Variants in SASS6 observed in about 807,000 individuals in gnomAD.
SASS6 encodes the protein spindle assembly abnormal protein 6 homolog.
Under a neutral mutation model 94.9 loss-of-function variants are expected in SASS6, and 59 were observed. The observed-to-expected ratio is 0.62, with a 90% CI of 0.50 to 0.77. The LOEUF is 0.77. SASS6 is among the 30% of genes least tolerant of loss of function. The probability of loss-of-function intolerance (pLI) is 0.00; values close to 1 mark genes in which losing one functional copy is unlikely to be tolerated. For synonymous variants in SASS6, 264 were observed against 270.0 expected (o/e 0.98, Z 0.22); for missense variants, 698 against 734.1 (o/e 0.95, Z 0.57).
rs764607069 is a variant in SASS6, at chr1:100,119,047, G to C, written c.640C>G (p.Leu214Val). Residue 214 changes from leucine to valine, a missense_variant, in exon 7 of 17, where the codon CTG becomes GTG. Transcript: ENST00000287482. ...AALTNKHSQE[L>V]TNEKEKALQA... ...AAGGCTTTTTCCTTTTCATTTGTCA[G>C]TTCCTGAGAATGCTTGTTTGTCAAG... The C allele has an allele frequency of 3.1e-6, 5 of 1,588,708 alleles. No individual in the cohort carries two copies. The highest frequency in any genetic ancestry group is 4.3e-6 in the Non-Finnish European group (5 of 1,164,220).
chr1:100,119,834 T>C (rs940682069), intron 6 of SASS6, among the ~76,000 whole-genome samples: 2 of 152,234 alleles, frequency 1.3e-5, no homozygotes, highest in Non-Finnish European at 2.9e-5. Flanking sequence ...GTGCCATGCT[T>C]GTACAGCCTA....
intron 14 of SASS6, among the ~76,000 whole-genome samples, chr1:100,089,619 A>G (rs1651541724): frequency 6.6e-6 from 1 of 152,096 alleles, no homozygotes; most frequent in Non-Finnish European, 1.5e-5. Context: ...ACAGATAGGA[A>G]AAAAACTTGC....
At chr1:100,087,926 A>C (rs957844482) in intron 15 of SASS6, among the ~76,000 whole-genome samples, 1 of 152,228 alleles carries the variant, frequency 6.6e-6, no homozygotes, top group Non-Finnish European at 1.5e-5. Flanking sequence ...CACATTAAAA[A>C]ATAATGAGTA....
At chr1:100,121,594 G>A in intron 4 of SASS6, 45 bp from the exon 5 acceptor site, 1 of 1,090,948 alleles carries the variant, frequency 9.2e-7, no homozygotes, top group Non-Finnish European at 1.4e-6. Context: ...AAGAGATAGT[G>A]AAAATCTCTC....
intron 14 of SASS6, among the ~76,000 whole-genome samples, chr1:100,088,606 T>C (rs1420452164): frequency 6.6e-6 from 1 of 151,282 alleles, no homozygotes; most frequent in Non-Finnish European, 1.5e-5. Flanking sequence ...AGTTCTATAT[T>C]GAGATGGGTG....
In SASS6 at chr1:100,085,033, A is replaced by G. The variant is rs901639393; in HGVS notation, c.*295T>C. 7.2e-6 allele frequency: 2 copies of G among 278,024 alleles called. No individual in the cohort carries two copies. Among genetic ancestry groups the G allele is most frequent in the Non-Finnish European group, 1.4e-5 (2 of 146,114 alleles). 17.2% of individuals were successfully genotyped at this position (278,024 alleles called of 1,614,324 possible). ...ATCAGAATCTCCCTCATAAGGATCA[A>G]CTCTTTCCTTAGAACTGAATTTCTA... On this transcript the variant is annotated 3_prime_UTR_variant, in exon 17 of 17. Coordinates refer to ENST00000287482, the MANE Select transcript of SASS6 (RefSeq NM_194292.3).
intron 7 of SASS6, among the ~76,000 whole-genome samples, chr1:100,114,592 T>C (rs1653650003): frequency 6.6e-6 from 1 of 151,700 alleles, no homozygotes; most frequent in African/African-American, 2.4e-5. Flanking sequence ...GTGGTCTGTA[T>C]CTGTGGTCCC....
Position 100,120,466 on chromosome 1 carries a change from A to C in SASS6, c.484-7T>G. Reference sequence around the variant, plus strand: ...TCAATGATAATTTTTCTTCCTATTCATAAAAATAATAAAATTACACAGTTT... The same window carrying C: ...TCAATGATAATTTTTCTTCCTATTCCTAAAAATAATAAAATTACACAGTTT... On this transcript the variant is annotated splice_polypyrimidine_tract_variant and splice_region_variant and intron_variant, in intron 5 of 16. Transcript: ENST00000287482. 8.3e-7 allele frequency: 1 copy of C among 1,204,612 alleles called. No homozygotes were observed. Among genetic ancestry groups the C allele is most frequent in the Non-Finnish European group, 1.2e-6 (1 of 808,148 alleles). The allele number at this position is 1,204,612 out of a possible 1,614,324, so 74.6% of individuals were successfully genotyped here.
In SASS6 at chr1:100,104,372, G is replaced by A. The variant is rs1044601020; in HGVS notation, c.1546-1289C>T. 4.6e-5 allele frequency among the ~76,000 whole-genome samples: 7 copies of A among 152,260 alleles called. No individual in the cohort carries two copies. In the South Asian group the frequency reaches 6.2e-4, roughly 14 times the overall value. ...ACAGGAGAGCCCCAGGCCTATGTGC[G>A]GATGCTAGGTAAGCTCCTAGCAGCA... On this transcript the variant is annotated intron_variant, in intron 13 of 16. Coordinates refer to ENST00000287482, the MANE Select transcript of SASS6 (RefSeq NM_194292.3).
In SASS6 at chr1:100,110,300, C is replaced by A; in HGVS notation, c.853G>T (p.Val285Phe). ...AAAACAACATTCAATACCTCTTCAA[C>A]ACCAGAAAGTTTTGCTTTAAGTTCT... Reference protein sequence around the residue: ...IRELKAKLSGVEEELQRTKQE... With the variant: ...IRELKAKLSGFEEELQRTKQE... The change falls in exon 8 of 17, where the codon GTT becomes TTT. Residue 285 changes from valine to phenylalanine, a missense_variant. Physicochemically the swap from Val to Phe is conservative, Grantham distance 50. Transcript: ENST00000287482. 1 of 1,560,378 alleles carries A rather than the reference C, an allele frequency of 6.4e-7. No homozygotes were observed. Among genetic ancestry groups the A allele is most frequent in the Non-Finnish European group, 8.6e-7 (1 of 1,157,922 alleles).
chr1:100,121,183 C>T (rs1036673568), intron 5 of SASS6, among the ~76,000 whole-genome samples, 195 bp downstream of exon 5: 2 of 152,102 alleles, frequency 1.3e-5, no homozygotes, highest in African/African-American at 4.8e-5. Context: ...ACCCTGAGAC[C>T]TAAGCTTCTC....
chr1:100,130,590 A>G (rs970572034), intron 1 of SASS6, among the ~76,000 whole-genome samples: 5 of 151,914 alleles, frequency 3.3e-5, no homozygotes, highest in Non-Finnish European at 7.4e-5. Flanking sequence ...TCAGGAGGCT[A>G]AGGTGAGGGG....
intron 1 of SASS6, among the ~76,000 whole-genome samples, chr1:100,131,635 T>C (rs893557742): frequency 3.9e-5 from 6 of 152,208 alleles, no homozygotes; most frequent in African/African-American, 1.4e-4. Context: ...ATTAAAAGAA[T>C]GATCAACTAA....
intron 5 of SASS6, 31 bp downstream of exon 5, chr1:100,121,347 G>GT (rs1654181095): frequency 7.4e-7 from 1 of 1,358,698 alleles, no homozygotes; most frequent in Non-Finnish European, 1.0e-6. Flanking sequence ...TACTTATTTT[G>GT]TTAAAAGAAT....
chr1:100,127,900 C>T (rs920395670), intron 1 of SASS6, among the ~76,000 whole-genome samples: 28 of 151,998 alleles, frequency 1.8e-4, no homozygotes, highest in African/African-American at 6.5e-4. Flanking sequence ...TTGTGAAAAC[C>T]TTTTTAGCTC....
intron 14 of SASS6, among the ~76,000 whole-genome samples, chr1:100,095,166 T>A (rs530973408): frequency 2.6e-5 from 4 of 152,294 alleles, no homozygotes; most frequent in South Asian, 2.1e-4. Context: ...ATGCTTATGA[T>A]GAAAGACTGA....
At chr1:100,086,633 C>A (rs574358492) in intron 15 of SASS6, among the ~76,000 whole-genome samples, 2 of 151,928 alleles carry the variant, frequency 1.3e-5, no homozygotes, top group South Asian at 2.1e-4. Context: ...CCCTCAGCCT[C>A]CCAAGCAGCT....
chr1:100,092,007 C>CAAAAAA (rs34503110), intron 14 of SASS6, among the ~76,000 whole-genome samples: 5 of 50,018 alleles, frequency 1.0e-4, no homozygotes, highest in East Asian at 6.4e-4. Context: ...GACCCTGTCT[C>CAAAAAA]AAAAAAAAAA....
intron 2 of SASS6, among the ~76,000 whole-genome samples, chr1:100,124,411 C>T (rs189724075): frequency 2.0e-5 from 3 of 152,252 alleles, no homozygotes; most frequent in East Asian, 1.9e-4. Flanking sequence ...CATGGGGTCT[C>T]GCTCTGTCGC....
Sources: gnomAD v4.1 joint callset for allele counts (sites outside exome capture counted in the v4.1 genomes callset) on GRCh38, gnomAD v4.1.1 for gene constraint, MANE v1.5 for transcripts, NCBI Gene and HGNC (gene_info 2026-07-23, HGNC 2026-07-21) for gene names.